Variants in ZNF143 observed in about 807,000 individuals in gnomAD.
ZNF143 encodes the protein zinc finger protein 143, also known as SPH-binding factor.
ZNF143 carries 49 observed loss-of-function variants against 74.1 expected under a neutral mutation model. The ratio of observed to expected loss-of-function variants is 0.66; its 90% CI spans 0.53 to 0.84. ZNF143 has a LOEUF of 0.84. Among genes scored for constraint, ZNF143 ranks in the 40% least tolerant of loss-of-function variants. ZNF143 has a pLI of 0.00. For missense variants in ZNF143, 637 were observed against 793.4 expected (o/e 0.80, Z 2.37); for synonymous variants, 304 against 282.8 (o/e 1.07, Z -0.75).
chr11:9,502,985 C>T (rs946723068), intron 11 of ZNF143, among the ~76,000 whole-genome samples: 9 of 152,122 alleles, frequency 5.9e-5, no homozygotes, highest in Non-Finnish European at 1.2e-4. Context: ...CGCCTGCCAC[C>T]ATGCCTGGCT....
chr11:9,477,190 T>C (rs1193506930), intron 5 of ZNF143, among the ~76,000 whole-genome samples: 4 of 128,904 alleles, frequency 3.1e-5, no homozygotes, highest in Non-Finnish European at 6.7e-5. Flanking sequence ...CTTCCCTCCT[T>C]TCCCTCCTTT....
At chr11:9,496,065 T>C (rs1847947412) in intron 8 of ZNF143, among the ~76,000 whole-genome samples, 1 of 152,216 alleles carries the variant, frequency 6.6e-6, no homozygotes, top group African/African-American at 2.4e-5. Flanking sequence ...TCGAGAAAGC[T>C]CAGACCTCAA....
At chr11:9,461,281 C>G (rs892948443) in intron 1 of ZNF143, among the ~76,000 whole-genome samples, 6 of 152,144 alleles carry the variant, frequency 3.9e-5, no homozygotes, top group Middle Eastern at 3.2e-3. Flanking sequence ...GGCCGCCACT[C>G]TAGGCGGCGG....
chr11:9,517,363 T>G (rs1848760958), intron 14 of ZNF143, among the ~76,000 whole-genome samples: 1 of 152,232 alleles, frequency 6.6e-6, no homozygotes, highest in African/African-American at 2.4e-5. Context: ...TAAAGTCTTT[T>G]GCTATTTCAA....
In ZNF143 at chr11:9,525,864, G is replaced by A. The variant is rs76359340; in HGVS notation, c.1833+478G>A. Among the ~76,000 whole-genome samples, 700 of 152,234 alleles carry A rather than the reference G, an allele frequency of 4.6e-3. 3 individuals are homozygous for A. The highest frequency in any genetic ancestry group is 0.016 in the African/African-American group (652 of 41,526). On this transcript the variant is annotated intron_variant, in intron 15 of 15. Coordinates refer to ENST00000396602, the MANE Select transcript of ZNF143 (RefSeq NM_003442.6). ...AGAATTTAGAATCTTAGGTGCAGCC[G>A]GGCATGGTGGCTCATCCCTATAATC...
chr11:9,504,916 AC>A lies in ZNF143; in HGVS notation c.1147+3649del, dbSNP rs1030371130. Among the ~76,000 whole-genome samples, 2 of 107,374 alleles carry A rather than the reference AC, an allele frequency of 1.9e-5. 1 individual carries two copies. The highest frequency in any genetic ancestry group is 4.3e-5 in the Non-Finnish European group (2 of 46,284). 70.4% of individuals were successfully genotyped at this position (107,374 alleles called of 152,430 possible). ...TCTCAATCTCTTGACCTTGTGATCC[AC>A]CCGCCTCGGCCTCCCAAAGTGCTGG... On this transcript the variant is annotated intron_variant, in intron 11 of 15. Transcript: ENST00000396602.
chr11:9,469,946 A>G (rs1400510729), intron 1 of ZNF143, among the ~76,000 whole-genome samples: 2 of 152,228 alleles, frequency 1.3e-5, no homozygotes, highest in Non-Finnish European at 2.9e-5. Flanking sequence ...TATTTCCAAG[A>G]CAAAATTCTT....
chr11:9,522,980 G>A (rs1018269065), intron 14 of ZNF143, among the ~76,000 whole-genome samples: 2 of 151,820 alleles, frequency 1.3e-5, no homozygotes, highest in Admixed American at 1.3e-4. Flanking sequence ...TGTTGGCCAG[G>A]CTGATCTCGA....
intron 6 of ZNF143, among the ~76,000 whole-genome samples, 191 bp from the exon 7 acceptor site, chr11:9,479,281 T>G (rs1174774278): frequency 6.6e-6 from 1 of 152,130 alleles, no homozygotes; most frequent in East Asian, 1.9e-4. Context: ...CTAGGATTAC[T>G]GGCATGAGCC....
chr11:9,507,194 G>A (rs900031632), intron 11 of ZNF143, among the ~76,000 whole-genome samples: 2 of 152,042 alleles, frequency 1.3e-5, no homozygotes. Flanking sequence ...GAACCACTGC[G>A]AAAGGTGCAG....
chr11:9,495,586 G>A (rs1847931425), intron 8 of ZNF143, among the ~76,000 whole-genome samples: 1 of 152,234 alleles, frequency 6.6e-6, no homozygotes. Flanking sequence ...CATATCTGGA[G>A]TAGTGGCCCT....
chr11:9,522,177 A>G (rs1031953189), intron 14 of ZNF143, among the ~76,000 whole-genome samples: 15 of 151,956 alleles, frequency 9.9e-5, no homozygotes, highest in African/African-American at 3.4e-4. Context: ...CTTAGTTTCT[A>G]CCTTAAGAAA....
chr11:9,474,479 T>C (rs1229272147), intron 4 of ZNF143, 71 bp from the exon 5 acceptor site: 6 of 1,469,258 alleles, frequency 4.1e-6, no homozygotes, highest in Non-Finnish European at 5.7e-6. Context: ...GTTTATTGAC[T>C]CTTGTTGCTA....
At chr11:9,482,391 G>T (rs987301050) in intron 7 of ZNF143, among the ~76,000 whole-genome samples, 1 of 148,844 alleles carries the variant, frequency 6.7e-6, no homozygotes, top group Non-Finnish European at 1.5e-5. Context: ...CTGCCTCAGC[G>T]TCTGGAGTAG....
chr11:9,511,944 G>A (rs981863077), intron 12 of ZNF143, among the ~76,000 whole-genome samples: 3 of 150,208 alleles, frequency 2.0e-5, no homozygotes, highest in Non-Finnish European at 4.4e-5. Context: ...GTAGAGACGG[G>A]GTTTCACTGT....
chr11:9,515,363 T>C (rs1435377717), intron 13 of ZNF143, among the ~76,000 whole-genome samples: 1 of 151,096 alleles, frequency 6.6e-6, no homozygotes, highest in East Asian at 2.0e-4. Flanking sequence ...TAAGAAATAC[T>C]GTATTGCCGG....
chr11:9,481,061 A>G (rs1475614727), intron 7 of ZNF143, among the ~76,000 whole-genome samples: 2 of 152,106 alleles, frequency 1.3e-5, no homozygotes, highest in Non-Finnish European at 2.9e-5. Flanking sequence ...CAAAATTTTC[A>G]GGTCTCAATT....
intron 7 of ZNF143, among the ~76,000 whole-genome samples, chr11:9,480,587 T>C (rs1038293626): frequency 6.6e-6 from 1 of 152,118 alleles, no homozygotes. Context: ...TGAAATCACT[T>C]GTAGAAATAT....
At chr11:9,525,010 T>C (rs1849074755) in intron 14 of ZNF143, among the ~76,000 whole-genome samples, 2 of 152,150 alleles carry the variant, frequency 1.3e-5, no homozygotes, top group South Asian at 4.1e-4. Flanking sequence ...AGCAGATCCA[T>C]TTCTCCAGTG....
Sources: gnomAD v4.1 joint callset for allele counts (sites outside exome capture counted in the v4.1 genomes callset) on GRCh38, gnomAD v4.1.1 for gene constraint, MANE v1.5 for transcripts, NCBI Gene and HGNC (gene_info 2026-07-23, HGNC 2026-07-21) for gene names.